The following DYNLL1 variants were observed in gnomAD, a reference collection of about 807,000 sequenced individuals.
DYNLL1 encodes the protein dynein light chain 1, cytoplasmic.
DYNLL1 carries 3 observed loss-of-function variants against 10.1 expected under a neutral mutation model. That is an observed-to-expected ratio of 0.30 (90% CI 0.14 to 0.77). The LOEUF is 0.77. DYNLL1 is among the 30% of genes least tolerant of loss of function. The pLI is 0.66. For synonymous variants in DYNLL1, 46 were observed against 41.2 expected (o/e 1.12, Z -0.45); for missense variants, 47 against 111.7 (o/e 0.42, Z 2.61).
At chr12:120,474,922 TA>T in intron 1 of DYNLL1, among the ~76,000 whole-genome samples, 1 of 152,088 alleles carries the variant, frequency 6.6e-6, no homozygotes, top group South Asian at 2.1e-4. Context: ...TGTGATGGAG[TA>T]AAATAAAACA....
chr12:120,493,191 C>G (rs935309699), upstream of DYNLL1, among the ~76,000 whole-genome samples: 2 of 152,082 alleles, frequency 1.3e-5, no homozygotes, highest in African/African-American at 4.8e-5. Context: ...CTATTTATGG[C>G]CAATGAGACT....
intron 1 of DYNLL1, among the ~76,000 whole-genome samples, chr12:120,484,297 A>G (rs1339916351): frequency 7.6e-6 from 1 of 130,832 alleles, no homozygotes; most frequent in African/African-American, 2.9e-5. Context: ...GAGCATGAAC[A>G]GTTCATACAG....
chr12:120,496,695 T>C lies in DYNLL1; in HGVS notation c.132+142T>C. 3 of 1,395,430 alleles carry C rather than the reference T, an allele frequency of 2.1e-6. No individual in the cohort carries two copies. In the South Asian group the frequency reaches 3.7e-5, roughly 17 times the overall value. The allele number at this position is 1,395,430 out of a possible 1,614,324, so 86.4% of individuals were successfully genotyped here. ...TAGAAGCTTCCAGAAAGGACGCAGA[T>C]GCATTTTGCGCTCCTGTGGAGAAGA... On this transcript the variant is annotated intron_variant, in intron 2 of 2. Transcript: ENST00000242577.
chr12:120,481,012 G>A, intron 1 of DYNLL1, among the ~76,000 whole-genome samples: 1 of 152,088 alleles, frequency 6.6e-6, no homozygotes, highest in East Asian at 1.9e-4. Context: ...GCCCACCTTG[G>A]CCTCCCAAAG....
chr12:120,496,825 G>A, intron 2 of DYNLL1: 4 of 600,720 alleles, frequency 6.7e-6, no homozygotes, highest in Non-Finnish European at 1.2e-5. Context: ...GGGAGCAGCG[G>A]TTCCCCCTTC....
upstream of DYNLL1, among the ~76,000 whole-genome samples, chr12:120,492,918 G>A (rs1879170033): frequency 6.6e-6 from 1 of 151,888 alleles, no homozygotes; most frequent in Non-Finnish European, 1.5e-5. The surrounding 1 kb of genome is among the most constrained non-coding windows in gnomAD (Gnocchi z 4.1). Context: ...TCCTCCTTAG[G>A]TTCTGAATCC....
At chr12:120,478,937 G>A (rs1184323823) in intron 1 of DYNLL1, among the ~76,000 whole-genome samples, 4 of 147,874 alleles carry the variant, frequency 2.7e-5, no homozygotes, top group African/African-American at 7.4e-5. Flanking sequence ...CACCTGCCTC[G>A]GCCTCCCAAA....
upstream of DYNLL1, chr12:120,493,698 G>A: frequency 6.6e-6 from 1 of 150,958 alleles, no homozygotes; most frequent in East Asian, 2.0e-4. Context: ...TGCAAGCTCA[G>A]CCTCTGGGGT....
chr12:120,494,289 CCTTTTTTTTTTTTTT>C (rs1879211372), upstream of DYNLL1, among the ~76,000 whole-genome samples: 1 of 150,458 alleles, frequency 6.6e-6, no homozygotes. Flanking sequence ...CCATTTTTTT[CCTTTTTTTTTTTTTT>C]GAGACGGAGT....
At chr12:120,473,692 C>CAAA (rs1227211097) in intron 1 of DYNLL1, among the ~76,000 whole-genome samples, 36 of 75,324 alleles carry the variant, frequency 4.8e-4, no homozygotes, top group South Asian at 1.0e-3. Flanking sequence ...GACTCTGTCT[C>CAAA]AAAAAAAAAA....
upstream of DYNLL1, chr12:120,492,151 T>C (rs1489299135): frequency 6.6e-6 from 1 of 152,198 alleles, no homozygotes; most frequent in African/African-American, 2.4e-5. This position sits in a 1 kb window ranked among gnomAD's most constrained non-coding sequence, Gnocchi z 4.1. Flanking sequence ...CTTGTAGAAT[T>C]GTTATGAGAA....
intron 1 of DYNLL1, among the ~76,000 whole-genome samples, chr12:120,489,053 GA>G (rs547655107): frequency 0.012 from 1,866 of 152,290 alleles, 19 homozygotes; most frequent in Non-Finnish European, 0.017. Context: ...GGTGCCAAAG[GA>G]AGTCCATCTC....
Position 120,496,418 on chromosome 12 carries a change from A to T in DYNLL1, c.-4A>T. On this transcript the variant is annotated splice_region_variant and 5_prime_UTR_variant, in exon 2 of 3. Transcript: ENST00000242577. ...TTACCCCAGGCCTTGCCCACTAGGT[A>T]ACCATGTGCGACCGAAAGGCCGTGA... The T allele has an allele frequency of 6.2e-7, 1 of 1,614,102 alleles. No homozygotes were observed. Among genetic ancestry groups the T allele is most frequent in the Middle Eastern group, 1.7e-4 (1 of 6,060 alleles).
intron 1 of DYNLL1, among the ~76,000 whole-genome samples, chr12:120,479,760 C>G (rs1431213600): frequency 1.3e-5 from 2 of 152,152 alleles, no homozygotes; most frequent in South Asian, 2.1e-4. Context: ...CTAAATAGTT[C>G]AGCACAGTTA....
At chr12:120,483,819 A>C (rs1327587434) in intron 1 of DYNLL1, among the ~76,000 whole-genome samples, 2 of 152,128 alleles carry the variant, frequency 1.3e-5, no homozygotes, top group Admixed American at 1.3e-4. Flanking sequence ...CATGGAGAAA[A>C]GGGGAAACAA....
Position 120,481,049 on chromosome 12 carries a change from A to G in DYNLL1, c.-7+10945A>G, listed in dbSNP as rs1016583000. ...GCTGGGATTACAGGCGTGAGCCACC[A>G]TGCCCGGCTCACATATTTCTTAATT... is the stretch of plus-strand genomic sequence containing the variant. On this transcript the variant is annotated intron_variant, in intron 1 of 2. Transcript: ENST00000392509. Among the ~76,000 whole-genome samples, 26 of 152,100 alleles carry G rather than the reference A, an allele frequency of 1.7e-4. 1 individual carries two copies. The highest frequency in any genetic ancestry group is 6.0e-4 in the African/African-American group (25 of 41,432).
rs1593001526 is a variant in DYNLL1 at position 120,484,761 on chromosome 12, C to T, written c.-6-11655C>T. ...TGGACTTTTTTTTTTTTTTTTGAGA[C>T]GGAGTCTCACTGTGACACCCAGGCT... On this transcript the variant is annotated intron_variant, in intron 1 of 2. Transcript: ENST00000392509. Among the ~76,000 whole-genome samples the T allele has an allele frequency of 2.8e-5, 4 of 141,862 alleles. No individual in the cohort carries two copies. In the South Asian group the frequency reaches 6.6e-4, roughly 23 times the overall value. 93.1% of individuals were successfully genotyped at this position (141,862 alleles called of 152,430 possible). A position where few individuals can be genotyped will look rare whatever the true frequency, so the allele number is the denominator to read the frequency against.
intron 1 of DYNLL1, among the ~76,000 whole-genome samples, chr12:120,475,618 G>A (rs1007309660): frequency 2.0e-5 from 3 of 152,138 alleles, no homozygotes; most frequent in Admixed American, 6.6e-5. Context: ...TGTAGCTATT[G>A]AGCACTTAAA....
chr12:120,480,764 C>CTT (rs770507117), intron 1 of DYNLL1, among the ~76,000 whole-genome samples: 31 of 141,430 alleles, frequency 2.2e-4, no homozygotes, highest in Non-Finnish European at 3.1e-4. Flanking sequence ...AAGCATTTTT[C>CTT]TTTTTTTTTT....
Sources: allele counts gnomAD v4.1 joint callset (sites outside exome capture counted in the v4.1 genomes callset), GRCh38; gene constraint gnomAD v4.1.1; non-coding constraint Gnocchi (gnomAD v3.1); transcripts MANE v1.5; gene names NCBI Gene and HGNC (gene_info 2026-07-23, HGNC 2026-07-21).